Variants in COP1 observed in about 807,000 individuals in gnomAD.
The protein encoded by COP1 is COP1 E3 ubiquitin ligase.
COP1 carries 24 observed loss-of-function variants against 101.3 expected under a neutral mutation model. The observed-to-expected ratio is 0.24, with a 90% CI of 0.17 to 0.33. The LOEUF (loss-of-function observed/expected upper bound fraction) is 0.33. COP1 is among the 10% of genes least tolerant of loss of function. The pLI, the probability that COP1 is intolerant of heterozygous loss-of-function variation, is 1.00. For synonymous variants in COP1, 347 were observed against 341.9 expected (o/e 1.01, Z -0.17); for missense variants, 663 against 906.2 (o/e 0.73, Z 3.45).
Position 176,116,613 on chromosome 1 carries a change from A to G in COP1, c.1026+11T>C. 6.3e-7 allele frequency: 1 copy of G among 1,594,852 alleles called. No homozygotes were observed. The highest frequency in any genetic ancestry group is 8.6e-7 in the Non-Finnish European group (1 of 1,163,644). On this transcript the variant is annotated intron_variant, in intron 9 of 19. Transcript: ENST00000367669. ...CATGGTATCATTAAAGCAAACAAAGATATCGTTTACCTGAGAACTGCCACT... is the reference window on the plus strand; with the variant it reads ...CATGGTATCATTAAAGCAAACAAAGGTATCGTTTACCTGAGAACTGCCACT...
chr1:176,171,124 CAAAAAAAAAA>C (rs1174700907), intron 3 of COP1, among the ~76,000 whole-genome samples: 2 of 56,848 alleles, frequency 3.5e-5, no homozygotes, highest in East Asian at 5.8e-4. Flanking sequence ...GACTCCATCT[CAAAAAAAAAA>C]AAAAAAAAAA....
chr1:176,135,600 T>G (rs1689672159), intron 7 of COP1, among the ~76,000 whole-genome samples: 1 of 152,056 alleles, frequency 6.6e-6, no homozygotes, highest in African/African-American at 2.4e-5. Flanking sequence ...ATATCAGCTT[T>G]GTTTAATAAT....
intron 18 of COP1, among the ~76,000 whole-genome samples, chr1:175,957,745 G>A (rs755843500): frequency 1.1e-4 from 16 of 152,050 alleles, no homozygotes; most frequent in African/African-American, 1.7e-4. Context: ...TGTTTACAGC[G>A]GCTTTATTAA....
chr1:176,206,491 C>A (rs990564362), intron 1 of COP1, 81 bp downstream of exon 1: 6 of 1,539,732 alleles, frequency 3.9e-6, no homozygotes, highest in South Asian at 1.1e-5. Context: ...AAGCCACCCC[C>A]ACACCAGACC....
intron 18 of COP1, among the ~76,000 whole-genome samples, chr1:175,954,038 G>A (rs1460726046): frequency 6.6e-6 from 1 of 152,092 alleles, no homozygotes; most frequent in Non-Finnish European, 1.5e-5. Context: ...CAACAAAGAT[G>A]TGTCAGACCA....
chr1:175,960,158 T>C (rs1191957490), intron 18 of COP1, among the ~76,000 whole-genome samples: 1 of 152,210 alleles, frequency 6.6e-6, no homozygotes, highest in Non-Finnish European at 1.5e-5. Flanking sequence ...CCAGAATTTA[T>C]ATACGACAAT....
At chr1:176,124,552 T>C (rs559954107) in intron 8 of COP1, among the ~76,000 whole-genome samples, 93 of 152,256 alleles carry the variant, frequency 6.1e-4, no homozygotes, top group Non-Finnish European at 1.2e-3. Flanking sequence ...CTTATTTCAC[T>C]TAACATAATA....
chr1:176,066,889 G>C lies in COP1; in HGVS notation c.1277+14263C>G, dbSNP rs926277989. Among the ~76,000 whole-genome samples, 3 of 152,216 alleles carry C rather than the reference G, an allele frequency of 2.0e-5. No homozygotes were observed. In the East Asian group the frequency reaches 5.8e-4, roughly 29 times the overall value. ...CATGTGATTGATCCCCTCCGCCCTT[G>C]GAACAGTTGGTTACCAGCTGTTTTC... On this transcript the variant is annotated intron_variant, in intron 11 of 19. Coordinates refer to ENST00000367669, the MANE Select transcript of COP1 (RefSeq NM_022457.7).
Position 175,987,042 on chromosome 1 carries a change from A to G in COP1, c.2034T>C (p.Phe678=). The G allele has an allele frequency of 6.2e-7, 1 of 1,603,348 alleles. No homozygotes were observed. The highest frequency in any genetic ancestry group is 8.5e-7 in the Non-Finnish European group (1 of 1,171,498). The change falls in exon 18 of 20, where the codon TTT becomes TTC. Residue 678 remains phenylalanine, a synonymous_variant. Coordinates refer to ENST00000367669, the MANE Select transcript of COP1 (RefSeq NM_022457.7). ...GAACACTTTTGACTGTATCAAACTT[A>G]AAAGTTAGCAAAGTCTTAGAAAGTC... is the stretch of plus-strand genomic sequence containing the variant. ...YKGLSKTLLT[F]KFDTVKSVLD...
intron 11 of COP1, among the ~76,000 whole-genome samples, chr1:176,053,055 G>A (rs527401534): frequency 2.6e-5 from 4 of 152,068 alleles, no homozygotes; most frequent in Non-Finnish European, 5.9e-5. Flanking sequence ...ATAAGCAAGA[G>A]TACTCTTAAA....
intron 9 of COP1, among the ~76,000 whole-genome samples, chr1:176,102,866 T>C (rs10913133): frequency 0.4 from 60,268 of 151,926 alleles, 12,167 homozygotes; most frequent in Middle Eastern, 0.45. Context: ...GGCCCAGGAA[T>C]TGACTCAGTG....
At chr1:175,949,191 A>AAAAAAAAAAAAAAAAAC (rs1558152768) in intron 18 of COP1, among the ~76,000 whole-genome samples, 1 of 146,626 alleles carries the variant, frequency 6.8e-6, no homozygotes, top group Non-Finnish European at 1.5e-5. Flanking sequence ...AAAAAAAAAA[A>AAAAAAAAAAAAAAAAAC]ATGAACATGG....
intron 5 of COP1, among the ~76,000 whole-genome samples, chr1:176,156,086 C>A: frequency 6.7e-6 from 1 of 149,974 alleles, no homozygotes; most frequent in African/African-American, 2.5e-5. Context: ...GCCAAAATAA[C>A]AATGTTTTAA....
intron 13 of COP1, 63 bp from the exon 14 acceptor site, chr1:176,043,330 GAAAA>G: frequency 2.7e-6 from 2 of 748,724 alleles, no homozygotes; most frequent in Non-Finnish European, 4.1e-6. Flanking sequence ...AATAAAGCAA[GAAAA>G]AAAAAAACCT....
intron 11 of COP1, among the ~76,000 whole-genome samples, chr1:176,056,430 C>G (rs1225642094): frequency 1.6e-5 from 2 of 126,236 alleles, no homozygotes; most frequent in Non-Finnish European, 3.6e-5. Flanking sequence ...ACAGTTAACA[C>G]AGGGATTTTT....
intron 7 of COP1, among the ~76,000 whole-genome samples, chr1:176,136,245 TGTCA>T (rs989214933): frequency 1.4e-4 from 22 of 152,098 alleles, no homozygotes; most frequent in Non-Finnish European, 2.2e-4. Context: ...CGATTTTTTT[TGTCA>T]GTCTAATCGA....
At chr1:176,196,305 A>G (rs1699689345) in intron 1 of COP1, among the ~76,000 whole-genome samples, 1 of 152,186 alleles carries the variant, frequency 6.6e-6, no homozygotes, top group South Asian at 2.1e-4. Flanking sequence ...TAGAAAATCA[A>G]TAATATGAAA....
At position 176,107,896 on chromosome 1, in the gene COP1, T is replaced by C. The variant is rs897053578; in HGVS notation, c.1026+8728A>G. On this transcript the variant is annotated intron_variant, in intron 9 of 19. Coordinates refer to ENST00000367669, the MANE Select transcript of COP1 (RefSeq NM_022457.7). ...AAGGAAACACAAGACAAATTCAAACTGAGGGAAATCCTATAAATAACTTAC... is the reference window on the plus strand; with the variant it reads ...AAGGAAACACAAGACAAATTCAAACCGAGGGAAATCCTATAAATAACTTAC... Among the ~76,000 whole-genome samples, 5 of 152,156 alleles carry C rather than the reference T, an allele frequency of 3.3e-5. No homozygotes were observed. The East Asian group carries it at 5.8e-4, about 18-fold the overall frequency.
In COP1 at chr1:175,999,051, A is replaced by C. The variant is rs1043402185; in HGVS notation, c.1730-9572T>G. ...CCATTTTAAAACACATCAGCGACTT[A>C]ACTGAGCATTGTGGACAGTTTTCAA... On this transcript the variant is annotated intron_variant, in intron 15 of 19. Transcript: ENST00000367669. 2.0e-5 allele frequency among the ~76,000 whole-genome samples: 3 copies of C among 152,102 alleles called. No individual in the cohort carries two copies. The East Asian group carries it at 5.8e-4, about 29-fold the overall frequency.
Sources: gnomAD v4.1 joint callset for allele counts (sites outside exome capture counted in the v4.1 genomes callset) on GRCh38, gnomAD v4.1.1 for gene constraint, MANE v1.5 for transcripts, NCBI Gene and HGNC (gene_info 2026-07-23, HGNC 2026-07-21) for gene names.